The following RABGAP1 variants were observed in gnomAD, a reference collection of about 807,000 sequenced individuals.
The protein encoded by RABGAP1 is RAB GTPase activating protein 1, also known as rab GTPase-activating protein 1.
In RABGAP1, 23 loss-of-function variants were observed where a neutral mutation model predicts 137.6. The observed-to-expected ratio is 0.17, with a 90% CI of 0.12 to 0.24. The LOEUF (loss-of-function observed/expected upper bound fraction) is 0.24. RABGAP1 is among the 10% of genes least tolerant of loss of function. The pLI, the probability that RABGAP1 is intolerant of heterozygous loss-of-function variation, is 1.00. For missense variants in RABGAP1, 906 were observed against 1,275.8 expected, an observed-to-expected ratio of 0.71 and a Z score of 4.42; for synonymous variants, 451 against 450.7, an observed-to-expected ratio of 1.00 and a Z score of -0.01.
intron 10 of RABGAP1, among the ~76,000 whole-genome samples, chr9:122,999,670 G>T (rs1837222032): frequency 6.6e-6 from 1 of 151,060 alleles, no homozygotes; most frequent in Non-Finnish European, 1.5e-5. Flanking sequence ...GATTTGTTGG[G>T]GTTCTTGCGT....
chr9:122,950,377 C>CTTTTTTTTTTTTTTTTTTTTTTTGTTTTT (rs200424486), intron 1 of RABGAP1, among the ~76,000 whole-genome samples: 3 of 74,492 alleles, frequency 4.0e-5, no homozygotes, highest in African/African-American at 5.3e-5. Context: ...CTTTTTCTTT[C>CTTTTTTTTTTTTTTTTTTTTTTTGTTTTT]TTTTTTTTTT....
Position 123,074,411 on chromosome 9 carries a change from G to A in RABGAP1, c.2236G>A (p.Asp746Asn), listed in dbSNP as rs768081051. The A allele has an allele frequency of 1.2e-6, 2 of 1,612,998 alleles. No homozygotes were observed. Among genetic ancestry groups the A allele is most frequent in the Admixed American group, 1.7e-5 (1 of 59,958 alleles). ...TCTCTACATGGTCTTCCATATCATC[G>A]ACCTGCTTTTATGTGAGGTATGTAT... ...FPLYMVFHII[D>N]LLLCEGISVI... is the part of the protein sequence containing the mutation. Residue 746 changes from aspartate (D) to asparagine (N), a missense_variant, in exon 17 of 26, where the codon GAC (aspartate) becomes AAC (asparagine). By Grantham distance (23) the Asp-to-Asn change is conservative. This residue lies in a region of RABGAP1 where 19 missense variants were observed against 63.0 expected (regional missense o/e 0.30). Coordinates refer to ENST00000373647, the MANE Select transcript of RABGAP1 (RefSeq NM_012197.4).
chr9:122,985,532 G>T (rs1024041342), intron 3 of RABGAP1, among the ~76,000 whole-genome samples: 5 of 141,908 alleles, frequency 3.5e-5, no homozygotes, highest in African/African-American at 1.3e-4. Flanking sequence ...GGAATTGCTT[G>T]AAACCAGGAG....
intron 13 of RABGAP1, among the ~76,000 whole-genome samples, chr9:123,039,053 T>C (rs571211364): frequency 6.6e-6 from 1 of 152,282 alleles, no homozygotes; most frequent in East Asian, 1.9e-4. Context: ...GAAAGTACTT[T>C]GTAAATTGTA....
At chr9:123,089,081 AAG>A (rs71955978) in intron 19 of RABGAP1, among the ~76,000 whole-genome samples, 94,205 of 151,982 alleles carry the variant, frequency 0.62, 36,384 homozygotes, top group Non-Finnish European at 0.86. Context: ...GCTTGAGAGA[AAG>A]AGAACAATAA....
chr9:122,992,908 C>G (rs1836814648), intron 6 of RABGAP1, among the ~76,000 whole-genome samples: 1 of 151,374 alleles, frequency 6.6e-6, no homozygotes, highest in African/African-American at 2.4e-5. Context: ...GAAATCCTAG[C>G]AAAATATACC....
chr9:122,939,658 C>T (rs1225190560), upstream of RABGAP1: 1 of 152,036 alleles, frequency 6.6e-6, no homozygotes, highest in East Asian at 1.9e-4. Flanking sequence ...AGTATGGGCA[C>T]CAAAACGTTA....
chr9:122,941,657 T>A (rs1008361872), intron 1 of RABGAP1, among the ~76,000 whole-genome samples: 3 of 152,378 alleles, frequency 2.0e-5, no homozygotes, highest in Non-Finnish European at 4.4e-5. Context: ...AAAGCGTTCT[T>A]GGCATCCCAG....
chr9:123,014,820 C>T (rs1245234952), intron 11 of RABGAP1, among the ~76,000 whole-genome samples: 3 of 151,972 alleles, frequency 2.0e-5, no homozygotes. Flanking sequence ...AGAATCATGG[C>T]AGAAGGGGAA....
rs2035405327 is a variant in RABGAP1 at position 123,103,582 on chromosome 9, AATATACATATATATATATATATATAT to A, written c.*375_*400del. 2.6e-5 allele frequency: 1 copy of A among 38,090 alleles called. No individual in the cohort carries two copies. The highest frequency in any genetic ancestry group is 5.4e-5 in the Non-Finnish European group (1 of 18,582). The allele number at this position is 38,090 out of a possible 1,614,324, so 2.4% of individuals were successfully genotyped here. ...TTTTTTTTCTAAACCTTTTTTTTTT[AATATACATATATATATATATATATAT>A]ATATATATATATATATATATATATA... On this transcript the variant is annotated 3_prime_UTR_variant, in exon 26 of 26. Coordinates refer to ENST00000373647, the MANE Select transcript of RABGAP1 (RefSeq NM_012197.4).
chr9:122,996,276 T>G, intron 7 of RABGAP1, 125 bp downstream of exon 7: 1 of 1,413,146 alleles, frequency 7.1e-7, no homozygotes, highest in Non-Finnish European at 9.3e-7. Context: ...AATTATTTTG[T>G]TTACTGAAGT....
At chr9:123,034,883 G>T (rs749280190) in intron 13 of RABGAP1, 2 of 1,613,778 alleles carry the variant, frequency 1.2e-6, no homozygotes, top group Non-Finnish European at 1.7e-6. Flanking sequence ...CAGATATTTG[G>T]TTTTGTAGTA....
chr9:122,987,868 C>T (rs1836450135), intron 4 of RABGAP1, among the ~76,000 whole-genome samples: 1 of 152,066 alleles, frequency 6.6e-6, no homozygotes, highest in Admixed American at 6.5e-5. Flanking sequence ...GCCAACTAGC[C>T]ATCTAGAAAT....
intron 14 of RABGAP1, among the ~76,000 whole-genome samples, chr9:123,068,024 C>CT (rs1251397652): frequency 1.3e-5 from 2 of 152,110 alleles, no homozygotes; most frequent in Non-Finnish European, 2.9e-5. Flanking sequence ...GGCTTATTCT[C>CT]TTATTACAAA....
chr9:122,942,384 C>T (rs1444183770), intron 1 of RABGAP1, among the ~76,000 whole-genome samples: 1 of 152,038 alleles, frequency 6.6e-6, no homozygotes, highest in Non-Finnish European at 1.5e-5. Context: ...CTTATGAAAA[C>T]TGAAAATAGG....
intron 19 of RABGAP1, among the ~76,000 whole-genome samples, chr9:123,087,418 C>T (rs554098518): frequency 3.3e-4 from 50 of 152,262 alleles, no homozygotes; most frequent in African/African-American, 1.2e-3. Context: ...AATGCAAAAG[C>T]ACTGGGATGA....
At chr9:122,978,954 A>G (rs145888346) in intron 2 of RABGAP1, among the ~76,000 whole-genome samples, 1 of 151,706 alleles carries the variant, frequency 6.6e-6, no homozygotes, top group Non-Finnish European at 1.5e-5. Context: ...CCCAGGCTAG[A>G]GTTCAGTGGC....
At position 123,065,156 on chromosome 9, in the gene RABGAP1, CT is replaced by C. The variant is rs1226425907; in HGVS notation, c.1795-186del. Among the ~76,000 whole-genome samples the C allele has an allele frequency of 2.6e-5, 4 of 152,216 alleles. No homozygotes were observed. In the South Asian group the frequency reaches 6.2e-4, roughly 24 times the overall value. On this transcript the variant is annotated intron_variant, in intron 13 of 25. Coordinates refer to ENST00000373647, the MANE Select transcript of RABGAP1 (RefSeq NM_012197.4). ...GTGAAATGGGTTGCTTTTCTTCCAT[CT>C]TTTTTCCCCCTTTACATTTGCTTTT...
At position 122,957,135 on chromosome 9, in the gene RABGAP1, G is replaced by A; in HGVS notation, c.76G>A (p.Val26Ile). 1.9e-6 allele frequency: 3 copies of A among 1,572,744 alleles called. No individual in the cohort carries two copies. The South Asian group carries it at 3.5e-5, about 18-fold the overall frequency. ...SVSTLNSEDF[V>I]LVSRQGDETP... The stretch of plus-strand genomic sequence containing the variant: ...ATCTACTCTTAATAGTGAAGATTTT[G>A]TCTTGGTTTCCAGGCAAGGAGATGA... The change falls in exon 2 of 26, where the codon GTC becomes ATC. Residue 26 changes from valine (V) to isoleucine (I), a missense_variant. Val to Ile is a conservative substitution (Grantham distance 29). This residue lies in a region of RABGAP1 where 331 missense variants were observed against 358.3 expected (regional missense o/e 0.92). Transcript: ENST00000373647.
Sources: gnomAD v4.1 joint callset for allele counts (sites outside exome capture counted in the v4.1 genomes callset) on GRCh38, gnomAD v4.1.1 for gene constraint, gnomAD v4.1.1 regional missense constraint, MANE v1.5 for transcripts, NCBI Gene and HGNC (gene_info 2026-07-23, HGNC 2026-07-21) for gene names.